C12orf42: variants seen among roughly 807,000 people sequenced by gnomAD.
The protein encoded by C12orf42 is uncharacterized protein C12orf42.
A neutral mutation model predicts 21.6 loss-of-function variants in C12orf42; 25 were observed. That is an observed-to-expected ratio of 1.16 (90% CI 0.84 to 1.62). C12orf42 has a LOEUF of 1.62. Ranked by LOEUF, C12orf42 falls within the 40% of genes most tolerant of loss-of-function variation. The pLI, the probability that C12orf42 is intolerant of heterozygous loss-of-function variation, is 0.00. For synonymous variants in C12orf42, 174 were observed against 175.0 expected (o/e 0.99, Z 0.05); for missense variants, 483 against 459.3 (o/e 1.05, Z -0.47).
At chr12:103,294,428 G>GAGAAAGAAAGAAATAA (rs2037032486) in intron 4 of C12orf42, among the ~76,000 whole-genome samples, 1 of 96,020 alleles carries the variant, frequency 1.0e-5, no homozygotes, top group Non-Finnish European at 2.0e-5. Flanking sequence ...AAAGGAGAGA[G>GAGAAAGAAAGAAATAA]AGAAAGAAAG....
chr12:103,177,900 T>G, the C12orf42 span, among the ~76,000 whole-genome samples: 789 of 152,220 alleles, frequency 5.2e-3, 3 homozygotes, highest in African/African-American at 0.018. Context: ...GCAGTGCATC[T>G]CTTAGCCTCA....
At chr12:103,278,277 A>T (rs1749983935) in intron 4 of C12orf42, among the ~76,000 whole-genome samples, 1 of 152,206 alleles carries the variant, frequency 6.6e-6, no homozygotes, top group African/African-American at 2.4e-5. Context: ...AAATGAAACT[A>T]GCTCATTTCA....
At chr12:103,094,896 T>C in the C12orf42 span, among the ~76,000 whole-genome samples, 1 of 152,234 alleles carries the variant, frequency 6.6e-6, no homozygotes, top group African/African-American at 2.4e-5. Context: ...GTATAAAAGG[T>C]TAGAAGCAAT....
the C12orf42 span, among the ~76,000 whole-genome samples, chr12:103,089,751 G>T: frequency 6.6e-6 from 1 of 152,096 alleles, no homozygotes; most frequent in South Asian, 2.1e-4. Flanking sequence ...ACATTGGTCA[G>T]GAAACTTCAA....
the C12orf42 span, among the ~76,000 whole-genome samples, chr12:103,079,286 C>T: frequency 6.6e-6 from 1 of 152,076 alleles, no homozygotes; most frequent in Admixed American, 6.6e-5. Flanking sequence ...TGAACAGAGT[C>T]AAGCTTTGGT....
the C12orf42 span, among the ~76,000 whole-genome samples, chr12:103,126,419 C>A: frequency 2.0e-5 from 3 of 152,136 alleles, no homozygotes; most frequent in Admixed American, 2.0e-4. Flanking sequence ...GAATGAGTAA[C>A]TTCTTAATAC....
chr12:103,238,833 C>A (rs966305520), intron 10 of C12orf42, among the ~76,000 whole-genome samples: 2 of 152,176 alleles, frequency 1.3e-5, no homozygotes, highest in Non-Finnish European at 2.9e-5. Flanking sequence ...GAACAGCCAG[C>A]GACGTGGTCT....
the C12orf42 span, among the ~76,000 whole-genome samples, chr12:103,115,380 A>G: frequency 8.5e-5 from 13 of 152,212 alleles, no homozygotes; most frequent in Non-Finnish European, 1.8e-4. Flanking sequence ...AAGCCACCAT[A>G]TACTGGAAGC....
chr12:103,562,583 C>T, the C12orf42 span, among the ~76,000 whole-genome samples: 1 of 152,212 alleles, frequency 6.6e-6, no homozygotes, highest in African/African-American at 2.4e-5. Flanking sequence ...CCTCCAGTGA[C>T]ATGACCCTAC....
At chr12:103,493,497 C>T (rs2138216069) in intron 1 of C12orf42, among the ~76,000 whole-genome samples, 1 of 152,078 alleles carries the variant, frequency 6.6e-6, no homozygotes, top group East Asian at 1.9e-4. Context: ...TTGCACGTGC[C>T]TCTGCTTGCT....
At chr12:103,455,629 T>C (rs896514020) in intron 2 of C12orf42, among the ~76,000 whole-genome samples, 8 of 152,156 alleles carry the variant, frequency 5.3e-5, no homozygotes, top group Admixed American at 3.9e-4. Context: ...GTGAGGTTCC[T>C]CTTCTACTTT....
the C12orf42 span, among the ~76,000 whole-genome samples, chr12:103,060,734 T>C: frequency 6.6e-6 from 1 of 152,204 alleles, no homozygotes; most frequent in Admixed American, 6.5e-5. Flanking sequence ...AAGGTTTCCA[T>C]ATTTAATAAA....
At chr12:103,231,824 A>G in the C12orf42 span, among the ~76,000 whole-genome samples, 1 of 152,238 alleles carries the variant, frequency 6.6e-6, no homozygotes, top group South Asian at 2.1e-4. Flanking sequence ...TTGAGTAAAT[A>G]TCAAGAAGTG....
At chr12:103,482,607 G>T (rs952055725) in intron 1 of C12orf42, among the ~76,000 whole-genome samples, 2 of 152,018 alleles carry the variant, frequency 1.3e-5, no homozygotes, top group African/African-American at 2.4e-5. Flanking sequence ...CGTACTGTCT[G>T]TGATTTGCTG....
chr12:103,359,526 A>G (rs971611378), intron 4 of C12orf42, among the ~76,000 whole-genome samples: 2 of 152,112 alleles, frequency 1.3e-5, no homozygotes, highest in East Asian at 3.9e-4. Flanking sequence ...GCATTACACT[A>G]AATGAGACGT....
the C12orf42 span, among the ~76,000 whole-genome samples, chr12:103,103,951 C>A: frequency 6.6e-6 from 1 of 152,140 alleles, no homozygotes; most frequent in Non-Finnish European, 1.5e-5. Context: ...CAGGCACGTG[C>A]CACCACGCCC....
chr12:103,452,689 T>G (rs549290091), intron 2 of C12orf42, among the ~76,000 whole-genome samples: 137 of 152,196 alleles, frequency 9.0e-4, no homozygotes, highest in South Asian at 1.9e-3. Context: ...TGGAATACTA[T>G]GCAGCCATAA....
intron 1 of C12orf42, among the ~76,000 whole-genome samples, chr12:103,489,323 C>T (rs1955037681): frequency 6.6e-6 from 1 of 152,182 alleles, no homozygotes; most frequent in African/African-American, 2.4e-5. Flanking sequence ...TCTCTGGAAG[C>T]TTTATCCCAG....
chr12:103,224,209 G>C, the C12orf42 span, among the ~76,000 whole-genome samples: 1 of 152,196 alleles, frequency 6.6e-6, no homozygotes, highest in Non-Finnish European at 1.5e-5. Flanking sequence ...GCCAGTCCTG[G>C]GTGGGGCAAA....
Sources: gnomAD v4.1 joint callset for allele counts (sites outside exome capture counted in the v4.1 genomes callset) on GRCh38, gnomAD v4.1.1 for gene constraint, MANE v1.5 for transcripts, NCBI Gene and HGNC (gene_info 2026-07-23, HGNC 2026-07-21) for gene names.